The following NECAB3 variants were observed in gnomAD, a reference collection of about 807,000 sequenced individuals.
The protein encoded by NECAB3 is N-terminal EF-hand calcium-binding protein 3.
In NECAB3, 38 loss-of-function variants were observed where a neutral mutation model predicts 57.2. The observed-to-expected ratio is 0.66, with a 90% CI of 0.51 to 0.87. The LOEUF (loss-of-function observed/expected upper bound fraction) is 0.87. Ranked by LOEUF, NECAB3 falls within the 40% of genes least tolerant of loss-of-function variation. The pLI, the probability that NECAB3 is intolerant of heterozygous loss-of-function variation, is 0.00. For synonymous variants in NECAB3, 223 were observed against 222.6 expected (o/e 1.00, Z -0.02); for missense variants, 474 against 527.5 (o/e 0.90, Z 0.99).
intron 5 of NECAB3, chr20:33,668,171 G>A (rs1335520958): frequency 1.2e-6 from 2 of 1,611,996 alleles, no homozygotes; most frequent in South Asian, 1.1e-5. Flanking sequence ...TTCCAGCGCC[G>A]CTGGATAACT....
intron 2 of NECAB3, chr20:33,672,111 A>G (rs988612873): frequency 9.7e-6 from 5 of 515,586 alleles, no homozygotes; most frequent in Non-Finnish European, 1.8e-5. Flanking sequence ...TGTGAGGACA[A>G]CAGAGGGCCA....
In NECAB3 at chr20:33,657,593, C is replaced by G. The variant is rs755826408; in HGVS notation, c.*236G>C. On this transcript the variant is annotated 3_prime_UTR_variant, in exon 12 of 12. Coordinates refer to ENST00000246190, the MANE Select transcript of NECAB3 (RefSeq NM_031232.4). ...CAGAATCCAGGTCTCCTGAGCCAGG[C>G]AGAAGCCAAAGTAGCTTGGAGGCTG... 14 of 466,078 alleles carry G rather than the reference C, an allele frequency of 3.0e-5. No homozygotes were observed. The highest frequency in any genetic ancestry group is 4.4e-5 in the Non-Finnish European group (12 of 273,326). 28.9% of individuals were successfully genotyped at this position (466,078 alleles called of 1,614,324 possible). A position where few individuals can be genotyped will look rare whatever the true frequency, so the allele number is the denominator to read the frequency against.
chr20:33,665,566 A>G (rs2017621443), intron 5 of NECAB3: 1 of 152,274 alleles, frequency 6.6e-6, no homozygotes, highest in South Asian at 2.1e-4. Context: ...CTTGCTCTTG[A>G]TATCCATAAC....
chr20:33,663,276 A>T, intron 5 of NECAB3: 2 of 546,694 alleles, frequency 3.7e-6, no homozygotes, highest in East Asian at 3.4e-5. Context: ...AGCTGGTCTC[A>T]GGAAGTCAGC....
intron 8 of NECAB3, 82 bp from the exon 9 acceptor site, chr20:33,658,916 C>T: frequency 1.1e-6 from 1 of 935,432 alleles, no homozygotes. Context: ...AGGTTCTCAG[C>T]TGTTTTTCTG....
chr20:33,669,134 A>G, intron 5 of NECAB3: 1 of 539,426 alleles, frequency 1.9e-6, no homozygotes, highest in Non-Finnish European at 3.3e-6. Flanking sequence ...ACAGACAAAA[A>G]TCCCTGCCTT....
chr20:33,657,924 T>TGGGG lies in NECAB3; in HGVS notation c.1162+14_1162+17dup. On this transcript the variant is annotated intron_variant, in intron 11 of 11. Coordinates refer to ENST00000246190, the MANE Select transcript of NECAB3 (RefSeq NM_031232.4). ...ACTGCCCCTCCAGGGCCACAGTGAGTGGGGGTCCACCGCATACCTGGGAAG... is the reference window on the plus strand; with the variant it reads ...ACTGCCCCTCCAGGGCCACAGTGAGTGGGGGGGGGTCCACCGCATACCTGGGAAG... 1 of 1,552,276 alleles carries TGGGG rather than the reference T, an allele frequency of 6.4e-7. No individual in the cohort carries two copies. Among genetic ancestry groups the TGGGG allele is most frequent in the South Asian group, 1.2e-5 (1 of 84,084 alleles).
In NECAB3 at chr20:33,670,737, G is replaced by A. The variant is rs763560405; in HGVS notation, c.210C>T (p.Leu70=). The A allele has an allele frequency of 1.9e-6, 3 of 1,614,114 alleles. No individual in the cohort carries two copies. The highest frequency in any genetic ancestry group is 2.2e-5 in the South Asian group (2 of 91,080). ...EFQNYFADGV[L]SLGELQELFS... is the part of the protein sequence containing the mutation. ...ACAGTTCCTGCAGCTCCCCCAGGCT[G>A]AGAACCCCATCGGCAAAGTAATTCT... is the stretch of plus-strand genomic sequence containing the variant. The change falls in exon 3 of 12, where the codon CTC becomes CTT. Residue 70 remains leucine (L), a synonymous_variant. Transcript: ENST00000246190.
In NECAB3 at chr20:33,657,649, T is replaced by C. The variant is rs1006631439; in HGVS notation, c.*180A>G. 1 of 588,052 alleles carries C rather than the reference T, an allele frequency of 1.7e-6. No individual in the cohort carries two copies. Among genetic ancestry groups the C allele is most frequent in the South Asian group, 3.0e-5 (1 of 32,802 alleles). 36.4% of individuals were successfully genotyped at this position (588,052 alleles called of 1,614,324 possible). A position where few individuals can be genotyped will look rare whatever the true frequency, so the allele number is the denominator to read the frequency against. ...ACAAACAATAAAATACAGGGATAAA[T>C]AAATCAATAATAAATAGAAAGCAAG... On this transcript the variant is annotated 3_prime_UTR_variant, in exon 12 of 12. Transcript: ENST00000246190.
At chr20:33,667,392 A>C in intron 5 of NECAB3, 2 of 1,368,030 alleles carry the variant, frequency 1.5e-6, no homozygotes, top group Non-Finnish European at 1.9e-6. Flanking sequence ...GGGTGTGCCC[A>C]GAGCAGTGGC....
chr20:33,674,329 G>A lies in NECAB3; in HGVS notation c.24C>T (p.Thr8=), dbSNP rs886314219. The A allele has an allele frequency of 1.5e-4, 187 of 1,211,300 alleles. 1 individual carries two copies. Among genetic ancestry groups the A allele is most frequent in the Non-Finnish European group, 1.8e-4 (178 of 974,624 alleles). 75.0% of individuals were successfully genotyped at this position (1,211,300 alleles called of 1,614,324 possible). Residue 8 remains threonine (T), a synonymous_variant, in exon 1 of 12, where the codon ACC becomes ACT. Transcript: ENST00000246190. The stretch of plus-strand genomic sequence containing the variant: ...GCGCGGGCGGCCGGAGCAGGCACAC[G>A]GTGAGCAGCCCCGCGCACGCCATGG... MACAGLL[T]VCLLRPPAPQ...
chr20:33,657,987 C>G lies in NECAB3; in HGVS notation c.1117G>C (p.Asp373His). ...AGGGTGTCCGGGGCCCGCAGGTGGT[C>G]GATGAGGATGCGCTGGAAGGCCTTG... ...GSKAFQRILI[D>H]HLRAPDTLTT... The change falls in exon 11 of 12, where the codon GAC becomes CAC. Residue 373 changes from aspartate to histidine, a missense_variant. Coordinates refer to ENST00000246190, the MANE Select transcript of NECAB3 (RefSeq NM_031232.4). The G allele has an allele frequency of 6.4e-7, 1 of 1,556,732 alleles. No homozygotes were observed. Among genetic ancestry groups the G allele is most frequent in the Non-Finnish European group, 8.7e-7 (1 of 1,150,096 alleles).
In NECAB3 at chr20:33,657,802, G is replaced by A. The variant is rs997898163; in HGVS notation, c.*27C>T. 1.1e-5 allele frequency: 16 copies of A among 1,513,334 alleles called. No homozygotes were observed. The highest frequency in any genetic ancestry group is 4.1e-5 in the African/African-American group (3 of 72,296). 93.7% of individuals were successfully genotyped at this position (1,513,334 alleles called of 1,614,324 possible). A position where few individuals can be genotyped will look rare whatever the true frequency, so the allele number is the denominator to read the frequency against. On this transcript the variant is annotated 3_prime_UTR_variant, in exon 12 of 12. Transcript: ENST00000246190. ...TCCAGAGGGAGGCAGGCAGGGTCCCGGGGCCCTCGGCGTGTGCAGGTCTGG... is the reference window on the plus strand; with the variant it reads ...TCCAGAGGGAGGCAGGCAGGGTCCCAGGGCCCTCGGCGTGTGCAGGTCTGG...
At chr20:33,669,821 G>A (rs2017789770) in intron 3 of NECAB3, 109 bp from the exon 4 acceptor site, 1 of 1,205,456 alleles carries the variant, frequency 8.3e-7, no homozygotes. Context: ...GCCTAACAAG[G>A]CCACTTCTGC....
At chr20:33,668,289 A>G in intron 5 of NECAB3, 1 of 1,532,728 alleles carries the variant, frequency 6.5e-7, no homozygotes, top group Non-Finnish European at 8.8e-7. Context: ...TCTCTATCTA[A>G]AGAGTCAAGT....
intron 1 of NECAB3, among the ~76,000 whole-genome samples, chr20:33,674,008 G>A (rs1052265798): frequency 3.9e-5 from 6 of 152,166 alleles, no homozygotes; most frequent in Admixed American, 1.3e-4. Context: ...CTGAGGGGTG[G>A]GAGGCAGCAG....
At chr20:33,661,058 G>A (rs1016193558) in intron 5 of NECAB3, among the ~76,000 whole-genome samples, 1 of 152,138 alleles carries the variant, frequency 6.6e-6, no homozygotes, top group South Asian at 2.1e-4. Context: ...CTCAACAACC[G>A]TCAGTTCCTG....
At position 33,659,623 on chromosome 20, in the gene NECAB3, C is replaced by T. The variant is rs2017395306; in HGVS notation, c.753G>A (p.Lys251=). 3 of 1,610,016 alleles carry T rather than the reference C, an allele frequency of 1.9e-6. No individual in the cohort carries two copies. The highest frequency in any genetic ancestry group is 1.3e-5 in the African/African-American group (1 of 74,996). ...KVRAVGPGPH[K]GGPSWYPPEP... The stretch of plus-strand genomic sequence containing the variant: ...CTGGTGGATACCAGGAGGGTCCTCC[C>T]TTGTGGGGCCCTGGCCCCACGGCCC... Residue 251 remains lysine, a synonymous_variant, in exon 8 of 12, where the codon AAG becomes AAA. Coordinates refer to ENST00000246190, the MANE Select transcript of NECAB3 (RefSeq NM_031232.4).
At chr20:33,670,285 A>C in intron 3 of NECAB3, 1 of 188,344 alleles carries the variant, frequency 5.3e-6, no homozygotes, top group Non-Finnish European at 1.1e-5. Context: ...GGGAGCAGGC[A>C]CGGGAAGGAG....
Sources: gnomAD v4.1 joint callset for allele counts (sites outside exome capture counted in the v4.1 genomes callset) on GRCh38, gnomAD v4.1.1 for gene constraint, MANE v1.5 for transcripts, NCBI Gene and HGNC (gene_info 2026-07-23, HGNC 2026-07-21) for gene names.